Variants in CDC73 observed in about 807,000 individuals in gnomAD.
CDC73 encodes parafibromin.
A neutral mutation model predicts 83.7 loss-of-function variants in CDC73; 21 were observed. The observed-to-expected ratio is 0.25, with a 90% CI of 0.18 to 0.36. The LOEUF (loss-of-function observed/expected upper bound fraction) is 0.36, where lower values mean the gene tolerates loss of function less well. Among genes scored for constraint, CDC73 ranks in the 10% least tolerant of loss-of-function variants. CDC73 has a pLI of 1.00. For synonymous variants in CDC73, 224 were observed against 212.9 expected (o/e 1.05, Z -0.45); for missense variants, 342 against 653.3 (o/e 0.52, Z 5.19).
In CDC73 at chr1:193,252,368, G is replaced by T. The variant is rs2102076231; in HGVS notation, c.*1656G>T. Reference sequence around the variant, plus strand: ...TGTAAACTTTCTCCATGATGAAATAGTCAAGGACCAGAATCTGTAATATTT... The same window carrying T: ...TGTAAACTTTCTCCATGATGAAATATTCAAGGACCAGAATCTGTAATATTT... On this transcript the variant is annotated 3_prime_UTR_variant, in exon 17 of 17. Transcript: ENST00000367435. The T allele has an allele frequency of 4.4e-6, 1 of 229,700 alleles. No individual in the cohort carries two copies. The highest frequency in any genetic ancestry group is 1.8e-4 in the South Asian group (1 of 5,492). The allele number at this position is 229,700 out of a possible 1,614,324, so 14.2% of individuals were successfully genotyped here.
chr1:193,249,493 C>T (rs547458829), intron 15 of CDC73, among the ~76,000 whole-genome samples: 1 of 152,012 alleles, frequency 6.6e-6, no homozygotes, highest in South Asian at 2.1e-4. Context: ...TCTGTGATAA[C>T]GTACCAACCT....
Position 193,155,250 on chromosome 1 carries a change from TA to T in CDC73, c.972+2807del, listed in dbSNP as rs1676186824. Among the ~76,000 whole-genome samples, 10 of 152,304 alleles carry T rather than the reference TA, an allele frequency of 6.6e-5. No individual in the cohort carries two copies. In the South Asian group the frequency reaches 1.9e-3, roughly 28 times the overall value. On this transcript the variant is annotated intron_variant, in intron 10 of 16. Transcript: ENST00000367435. The stretch of plus-strand genomic sequence containing the variant: ...GGCCCCAGGGAGAGTGCTTTGATAA[TA>T]TTTTATGAAAGTAAGAATTATTCAA...
intron 3 of CDC73, 146 bp downstream of exon 3, chr1:193,130,389 T>C (rs1675674181): frequency 1.4e-6 from 1 of 694,674 alleles, no homozygotes; most frequent in South Asian, 1.5e-5. Flanking sequence ...ACCTTTTTCT[T>C]ATACAGTGGA....
chr1:193,243,407 C>T (rs547240046), intron 15 of CDC73, among the ~76,000 whole-genome samples: 2 of 152,236 alleles, frequency 1.3e-5, no homozygotes, highest in African/African-American at 4.8e-5. Flanking sequence ...TAGTGACTTA[C>T]ACTTTTTGGA....
chr1:193,131,430 T>C (rs575354533), intron 3 of CDC73, among the ~76,000 whole-genome samples: 2 of 152,356 alleles, frequency 1.3e-5, no homozygotes, highest in Admixed American at 6.5e-5. Flanking sequence ...TTTTAGATTA[T>C]TGTATAGCTT....
chr1:193,158,697 T>A (rs1310288503), intron 10 of CDC73, among the ~76,000 whole-genome samples: 1 of 152,130 alleles, frequency 6.6e-6, no homozygotes, highest in Non-Finnish European at 1.5e-5. Context: ...TTGTTGCTTG[T>A]CTTGATATTT....
intron 10 of CDC73, among the ~76,000 whole-genome samples, chr1:193,158,972 T>C (rs1336666862): frequency 4.6e-5 from 7 of 152,164 alleles, no homozygotes; most frequent in East Asian, 1.9e-4. Context: ...TTGTTAGATA[T>C]GCATTTTTCA....
intron 10 of CDC73, among the ~76,000 whole-genome samples, chr1:193,190,623 T>C (rs1355206431): frequency 6.6e-6 from 1 of 152,220 alleles, no homozygotes; most frequent in East Asian, 1.9e-4. Flanking sequence ...TGTTTAAGAA[T>C]TTCTTTTGAC....
At chr1:193,250,590 G>A in intron 16 of CDC73, 86 bp from the exon 17 acceptor site, 1 of 949,372 alleles carries the variant, frequency 1.1e-6, no homozygotes. Context: ...TAAGTTTTAA[G>A]AAATGTCAAC....
chr1:193,193,638 G>C (rs1438106518), intron 10 of CDC73, among the ~76,000 whole-genome samples: 1 of 152,074 alleles, frequency 6.6e-6, no homozygotes, highest in Non-Finnish European at 1.5e-5. Flanking sequence ...TTAATTATTT[G>C]CTAATGAACA....
At chr1:193,245,845 A>G (rs1677945472) in intron 15 of CDC73, among the ~76,000 whole-genome samples, 1 of 152,072 alleles carries the variant, frequency 6.6e-6, no homozygotes, top group Non-Finnish European at 1.5e-5. Context: ...GAGTGAGATG[A>G]TACCTCATTG....
At chr1:193,248,556 G>A (rs896452447) in intron 15 of CDC73, among the ~76,000 whole-genome samples, 2 of 152,078 alleles carry the variant, frequency 1.3e-5, no homozygotes, top group Admixed American at 6.6e-5. Flanking sequence ...TCAGGGAACA[G>A]TAAATTGAAA....
intron 15 of CDC73, among the ~76,000 whole-genome samples, chr1:193,246,819 C>G (rs1287612713): frequency 6.6e-6 from 1 of 152,142 alleles, no homozygotes; most frequent in African/African-American, 2.4e-5. Context: ...ATATGGCCTG[C>G]AAGCCTAACA....
At position 193,253,321 on chromosome 1, in the gene CDC73, A is replaced by T; in HGVS notation, c.*2609A>T. On this transcript the variant is annotated 3_prime_UTR_variant, in exon 17 of 17. Transcript: ENST00000367435. ...GAATGTGCAGGAAGGATTCAGAATC[A>T]CTGGTTTAATTTGTTATTGAAAACA... 4.3e-6 allele frequency: 1 copy of T among 232,448 alleles called. No homozygotes were observed. Among genetic ancestry groups the T allele is most frequent in the Non-Finnish European group, 8.5e-6 (1 of 117,548 alleles). The allele number at this position is 232,448 out of a possible 1,614,324, so 14.4% of individuals were successfully genotyped here. A position where few individuals can be genotyped will look rare whatever the true frequency, so the allele number is the denominator to read the frequency against.
In CDC73 at chr1:193,196,260, T is replaced by G. The variant is rs190427258; in HGVS notation, c.973-7535T>G. ...GTTGAAAAGGCTGTCCTTTCCTTAT[T>G]GAATGGTCTGGACACCCTTGTCAAA... On this transcript the variant is annotated intron_variant, in intron 10 of 16. Coordinates refer to ENST00000367435, the MANE Select transcript of CDC73 (RefSeq NM_024529.5). Among the ~76,000 whole-genome samples the G allele has an allele frequency of 4.1e-3, 628 of 152,344 alleles. 4 individuals carry two copies. The Middle Eastern group carries it at 0.051, about 12-fold the overall frequency.
At chr1:193,171,879 G>A (rs1676523073) in intron 10 of CDC73, among the ~76,000 whole-genome samples, 1 of 152,170 alleles carries the variant, frequency 6.6e-6, no homozygotes, top group Admixed American at 6.5e-5. Context: ...TGTTAGTGTT[G>A]GAAGAATAAA....
chr1:193,161,775 TTA>T (rs1376039246), intron 10 of CDC73, among the ~76,000 whole-genome samples: 2 of 26,474 alleles, frequency 7.6e-5, no homozygotes, highest in East Asian at 1.2e-3. Context: ...ATATATCATA[TTA>T]TATTGTATAT....
intron 10 of CDC73, among the ~76,000 whole-genome samples, chr1:193,162,265 AAT>A (rs1676345559): frequency 8.5e-6 from 1 of 117,494 alleles, no homozygotes; most frequent in African/African-American, 3.5e-5. Context: ...TAGTATATAT[AAT>A]AGATAATATA....
intron 15 of CDC73, among the ~76,000 whole-genome samples, chr1:193,237,387 T>C (rs1369305936): frequency 6.6e-6 from 1 of 151,854 alleles, no homozygotes; most frequent in African/African-American, 2.4e-5. Flanking sequence ...GTGGGAGAAA[T>C]AGAAAAAAGA....
Sources: gnomAD v4.1 joint callset for allele counts (sites outside exome capture counted in the v4.1 genomes callset) on GRCh38, gnomAD v4.1.1 for gene constraint, MANE v1.5 for transcripts, NCBI Gene and HGNC (gene_info 2026-07-23, HGNC 2026-07-21) for gene names.